BCAR3: variants seen among roughly 807,000 people sequenced by gnomAD.
The protein encoded by BCAR3 is BCAR3 adaptor protein, NSP family member, also known as breast cancer anti-estrogen resistance protein 3.
A neutral mutation model predicts 80.1 loss-of-function variants in BCAR3; 37 were observed. The ratio of observed to expected loss-of-function variants is 0.46; its 90% CI spans 0.36 to 0.61. The LOEUF (loss-of-function observed/expected upper bound fraction) is 0.61. BCAR3 is among the 20% of genes least tolerant of loss of function. The pLI is 0.00. For synonymous variants in BCAR3, 389 were observed against 418.9 expected (o/e 0.93, Z 0.87); for missense variants, 978 against 1,068.2 (o/e 0.92, Z 1.18).
intron 8 of BCAR3, among the ~76,000 whole-genome samples, chr1:93,573,639 T>TA (rs373537051): frequency 0.021 from 2,929 of 138,998 alleles, 51 homozygotes; most frequent in Middle Eastern, 0.056. Context: ...TATTATTTTT[T>TA]TTTTTTTGAG....
chr1:93,806,365 T>C (rs1248200072), intron 2 of BCAR3, among the ~76,000 whole-genome samples: 1 of 152,220 alleles, frequency 6.6e-6, no homozygotes, highest in Non-Finnish European at 1.5e-5. Context: ...CACTATTTTA[T>C]AAATGATTAT....
intron 2 of BCAR3, among the ~76,000 whole-genome samples, chr1:93,776,627 GTTA>G (rs992152889): frequency 1.3e-5 from 2 of 152,170 alleles, no homozygotes; most frequent in African/African-American, 4.8e-5. Context: ...AAGAAACCAA[GTTA>G]TTAGTCCTGT....
At chr1:93,670,919 G>C (rs951782830) in intron 2 of BCAR3, among the ~76,000 whole-genome samples, 90 of 152,128 alleles carry the variant, frequency 5.9e-4, no homozygotes, top group Non-Finnish European at 3.4e-4. Context: ...TAAGGTCAAA[G>C]AGGAGACTTC....
At chr1:93,808,067 TGAAAA>T (rs1469559976) in intron 2 of BCAR3, among the ~76,000 whole-genome samples, 1 of 127,822 alleles carries the variant, frequency 7.8e-6, no homozygotes. Flanking sequence ...AGAAGAAAAA[TGAAAA>T]GAAAAAATTG....
In BCAR3 at chr1:93,778,919, G is replaced by A. The variant is rs79532162; in HGVS notation, c.-63+66648C>T. ...TATAGGCTCTTGGAGAAAGGAGGGT[G>A]TCTGTCTTTGTTATTGAAAGCCTCA... On this transcript the variant is annotated intron_variant, in intron 2 of 13. Transcript: ENST00000370244. 8.9e-3 allele frequency among the ~76,000 whole-genome samples: 1,348 copies of A among 152,268 alleles called. 19 individuals carry two copies. The highest frequency in any genetic ancestry group is 0.031 in the African/African-American group (1,305 of 41,544).
chr1:93,681,838 G>A (rs895317727), upstream of BCAR3: 1 of 152,094 alleles, frequency 6.6e-6, no homozygotes, highest in African/African-American at 2.4e-5. Context: ...GCGCAGCTCT[G>A]AGCCGGCGGC....
At chr1:93,735,775 GC>G (rs1280159546) in intron 2 of BCAR3, among the ~76,000 whole-genome samples, 1 of 152,234 alleles carries the variant, frequency 6.6e-6, no homozygotes, top group Non-Finnish European at 1.5e-5. Context: ...AAGGCAGCTC[GC>G]TTCCATGGCC....
intron 2 of BCAR3, among the ~76,000 whole-genome samples, chr1:93,802,650 C>A (rs1653523109): frequency 6.6e-6 from 1 of 152,144 alleles, no homozygotes; most frequent in African/African-American, 2.4e-5. Flanking sequence ...TCTAGGCCAG[C>A]AGTTTTGAAA....
At chr1:93,664,439 G>A (rs1412459742) in intron 2 of BCAR3, among the ~76,000 whole-genome samples, 1 of 152,150 alleles carries the variant, frequency 6.6e-6, no homozygotes, top group Non-Finnish European at 1.5e-5. Flanking sequence ...TTTTCTATGA[G>A]TCAGTGTCTA....
chr1:93,818,782 T>C (rs903006823), intron 2 of BCAR3, among the ~76,000 whole-genome samples: 5 of 152,126 alleles, frequency 3.3e-5, no homozygotes, highest in African/African-American at 1.2e-4. Flanking sequence ...TGGTAAGTGC[T>C]GTGTAGGAGA....
chr1:93,741,059 A>T (rs1571087592), intron 2 of BCAR3, among the ~76,000 whole-genome samples: 1 of 152,268 alleles, frequency 6.6e-6, no homozygotes, highest in Middle Eastern at 3.4e-3. Context: ...GGCTGACATC[A>T]AGTGACCAGT....
At chr1:93,823,452 C>T (rs1654291245) in intron 2 of BCAR3, among the ~76,000 whole-genome samples, 1 of 133,312 alleles carries the variant, frequency 7.5e-6, no homozygotes, top group Admixed American at 7.8e-5. Flanking sequence ...AGCTATCTGC[C>T]CTCTGCAATC....
chr1:93,611,625 C>T (rs1017565576), intron 3 of BCAR3, among the ~76,000 whole-genome samples: 29 of 152,176 alleles, frequency 1.9e-4, no homozygotes, highest in Non-Finnish European at 2.9e-4. Flanking sequence ...TCTCCATTTT[C>T]GGCCTCCCAT....
chr1:93,658,475 C>T (rs916435948), intron 2 of BCAR3, among the ~76,000 whole-genome samples: 5 of 151,296 alleles, frequency 3.3e-5, no homozygotes, highest in African/African-American at 9.7e-5. Context: ...GGTGAGACCC[C>T]GTCTCTACAA....
intron 2 of BCAR3, among the ~76,000 whole-genome samples, chr1:93,712,850 C>G (rs140148959): frequency 1.3e-5 from 2 of 152,358 alleles, no homozygotes; most frequent in East Asian, 3.9e-4. Flanking sequence ...AAGCTATACT[C>G]TCTCTCTTCA....
chr1:93,679,841 CTT>C (rs1170692388), intron 1 of BCAR3, among the ~76,000 whole-genome samples: 1 of 152,168 alleles, frequency 6.6e-6, no homozygotes, highest in Non-Finnish European at 1.5e-5. Context: ...GGATTTTACT[CTT>C]TTATTTCTGA....
At chr1:93,833,036 T>C (rs543400942) in intron 2 of BCAR3, among the ~76,000 whole-genome samples, 2 of 152,250 alleles carry the variant, frequency 1.3e-5, no homozygotes, top group Admixed American at 1.3e-4. Context: ...CTGGGGGAAC[T>C]AGCCCCCAAT....
intron 2 of BCAR3, among the ~76,000 whole-genome samples, chr1:93,654,832 C>T (rs1647296440): frequency 6.6e-6 from 1 of 152,186 alleles, no homozygotes; most frequent in Admixed American, 6.5e-5. Context: ...AGAGACCTTC[C>T]TTACCTAGCC....
At chr1:93,780,737 C>T (rs1020338951) in intron 2 of BCAR3, among the ~76,000 whole-genome samples, 1 of 152,166 alleles carries the variant, frequency 6.6e-6, no homozygotes, top group African/African-American at 2.4e-5. Flanking sequence ...GTTAATAATA[C>T]ATTTTGTTAA....
Sources: gnomAD v4.1 joint callset for allele counts (sites outside exome capture counted in the v4.1 genomes callset) on GRCh38, gnomAD v4.1.1 for gene constraint, MANE v1.5 for transcripts, NCBI Gene and HGNC (gene_info 2026-07-23, HGNC 2026-07-21) for gene names.